The following FTO variants were observed in gnomAD, a reference collection of about 807,000 sequenced individuals.
FTO encodes FTO alpha-ketoglutarate dependent dioxygenase, also known as alpha-ketoglutarate-dependent dioxygenase FTO.
FTO carries 47 observed loss-of-function variants against 63.9 expected under a neutral mutation model. The ratio of observed to expected loss-of-function variants is 0.74; its 90% confidence interval spans 0.58 to 0.94. The LOEUF (loss-of-function observed/expected upper bound fraction) is 0.94, where lower values mean the gene tolerates loss of function less well. FTO is among the 40% of genes least tolerant of loss of function. The probability of loss-of-function intolerance (pLI) is 0.00; values close to 1 mark genes in which losing one functional copy is unlikely to be tolerated. For missense variants in FTO, 562 were observed against 618.1 expected, an observed-to-expected ratio of 0.91 and a Z score of 0.96; for synonymous variants, 207 against 224.4, an observed-to-expected ratio of 0.92 and a Z score of 0.69.
chr16:54,096,248 G>C (rs907583342), intron 8 of FTO, among the ~76,000 whole-genome samples: 13 of 152,236 alleles, frequency 8.5e-5, no homozygotes, highest in African/African-American at 3.1e-4. Context: ...AGCAATGTTA[G>C]TTTCCAAATG....
chr16:53,916,667 A>G (rs918030336), intron 7 of FTO, among the ~76,000 whole-genome samples: 1 of 152,258 alleles, frequency 6.6e-6, no homozygotes, highest in Non-Finnish European at 1.5e-5. Flanking sequence ...AGCACTAAAC[A>G]TATACACAGA....
intron 2 of FTO, among the ~76,000 whole-genome samples, chr16:53,818,210 C>G (rs1390180546): frequency 6.7e-6 from 1 of 150,114 alleles, no homozygotes; most frequent in African/African-American, 2.5e-5. Context: ...ACAAATGCTT[C>G]ATAGTACGTT....
At chr16:53,929,566 A>C (rs2082230872) in intron 7 of FTO, among the ~76,000 whole-genome samples, 1 of 152,218 alleles carries the variant, frequency 6.6e-6, no homozygotes, top group African/African-American at 2.4e-5. Flanking sequence ...CTGTAAATGA[A>C]ATTGCTAGGT....
At chr16:54,111,473 A>G (rs1421027733) in intron 8 of FTO, among the ~76,000 whole-genome samples, 1 of 152,206 alleles carries the variant, frequency 6.6e-6, no homozygotes, top group Non-Finnish European at 1.5e-5. Flanking sequence ...ATAATTCACC[A>G]TTTTAAAGGC....
rs573507559 is a variant in FTO, at chr16:53,892,011, G to A, written c.1239+3060G>A. On this transcript the variant is annotated intron_variant, in intron 7 of 8. Coordinates refer to ENST00000471389, the MANE Select transcript of FTO (RefSeq NM_001080432.3). Reference sequence around the variant, plus strand: ...AGTGAAGATTTAGGTCCAGATAAAAGGGATGTTTCTTCCAAATTAAATGTA... The same window carrying A: ...AGTGAAGATTTAGGTCCAGATAAAAAGGATGTTTCTTCCAAATTAAATGTA... 2.4e-4 allele frequency among the ~76,000 whole-genome samples: 37 copies of A among 152,210 alleles called. 1 individual carries two copies. In the Middle Eastern group the frequency reaches 0.017, roughly 70 times the overall value.
In FTO at chr16:53,708,923, T is replaced by A. The variant is rs577182243; in HGVS notation, c.45+4694T>A. 1.1e-3 allele frequency among the ~76,000 whole-genome samples: 163 copies of A among 152,350 alleles called. 1 individual carries two copies. Among genetic ancestry groups the A allele is most frequent in the Non-Finnish European group, 1.5e-3 (103 of 68,032 alleles). On this transcript the variant is annotated intron_variant, in intron 1 of 8. Transcript: ENST00000471389. ...GTTCTTTATATTTTCTAGATATAAA[T>A]CCTTTGTTTACTATGTGTGTTGCAA... is the stretch of plus-strand genomic sequence containing the variant.
At chr16:54,108,863 A>G (rs1373050862) in intron 8 of FTO, among the ~76,000 whole-genome samples, 7 of 151,976 alleles carry the variant, frequency 4.6e-5, no homozygotes, top group African/African-American at 1.7e-4. Context: ...AAGAGAACAC[A>G]CTCTTTACCA....
At chr16:53,825,131 G>T (rs752056146) in intron 2 of FTO, among the ~76,000 whole-genome samples, 1 of 152,086 alleles carries the variant, frequency 6.6e-6, no homozygotes, top group Non-Finnish European at 1.5e-5. Context: ...TAAATTCTGG[G>T]CACTCATATT....
chr16:53,753,252 C>CAAAAAAAAAAAAA (rs35605359), intron 1 of FTO, among the ~76,000 whole-genome samples: 1 of 77,974 alleles, frequency 1.3e-5, no homozygotes, highest in African/African-American at 4.4e-5. Context: ...GACCCTGTCT[C>CAAAAAAAAAAAAA]AAAAAAAAAA....
At chr16:53,930,553 T>C (rs2082257520) in intron 7 of FTO, among the ~76,000 whole-genome samples, 1 of 152,170 alleles carries the variant, frequency 6.6e-6, no homozygotes, top group Non-Finnish European at 1.5e-5. Context: ...GTACCATTTT[T>C]CTTTTGAAGT....
At chr16:53,821,602 C>T (rs979003620) in intron 2 of FTO, among the ~76,000 whole-genome samples, 4 of 152,186 alleles carry the variant, frequency 2.6e-5, no homozygotes, top group Admixed American at 6.5e-5. Flanking sequence ...TGCCACATGA[C>T]TCTTCTCTTT....
At chr16:54,100,795 G>A (rs1447290082) in intron 8 of FTO, among the ~76,000 whole-genome samples, 1 of 152,212 alleles carries the variant, frequency 6.6e-6, no homozygotes, top group Non-Finnish European at 1.5e-5. Flanking sequence ...TAAACCTACA[G>A]GGGCGGTTTT....
At chr16:53,942,690 T>C (rs1459638958) in intron 8 of FTO, among the ~76,000 whole-genome samples, 2 of 152,208 alleles carry the variant, frequency 1.3e-5, no homozygotes, top group Admixed American at 6.5e-5. Context: ...ATTCGGCATG[T>C]GGACTAGAAC....
chr16:53,927,944 C>G (rs2082186671), intron 7 of FTO, among the ~76,000 whole-genome samples: 1 of 152,106 alleles, frequency 6.6e-6, no homozygotes, highest in African/African-American at 2.4e-5. Flanking sequence ...TCAGGAATCC[C>G]TTTGTTAAAC....
chr16:53,868,617 G>A (rs963732978), intron 4 of FTO, among the ~76,000 whole-genome samples: 2 of 151,858 alleles, frequency 1.3e-5, no homozygotes, highest in Non-Finnish European at 2.9e-5. Flanking sequence ...TGAATAAATT[G>A]TTATCTCTTC....
At chr16:53,861,139 G>C (rs1319203808) in intron 4 of FTO, among the ~76,000 whole-genome samples, 2 of 152,054 alleles carry the variant, frequency 1.3e-5, no homozygotes, top group Non-Finnish European at 2.9e-5. Flanking sequence ...GAACATCTTT[G>C]TACATATATC....
At chr16:54,072,250 A>G (rs1008133399) in intron 8 of FTO, 6 of 152,216 alleles carry the variant, frequency 3.9e-5, no homozygotes, top group African/African-American at 9.6e-5. Context: ...AAGACCTCCT[A>G]AAAATCTTTC....
chr16:54,088,702 G>A (rs1250787087), intron 8 of FTO, among the ~76,000 whole-genome samples: 3 of 152,162 alleles, frequency 2.0e-5, no homozygotes, highest in Admixed American at 6.5e-5. Flanking sequence ...CCAAGGAAAG[G>A]TTGTTATGAA....
intron 7 of FTO, among the ~76,000 whole-genome samples, chr16:53,911,051 C>G (rs557274110): frequency 2.6e-5 from 4 of 152,318 alleles, no homozygotes; most frequent in African/African-American, 9.6e-5. Context: ...GCTGAAAATA[C>G]CAGTTTGGAA....
Sources: allele counts gnomAD v4.1 joint callset (sites outside exome capture counted in the v4.1 genomes callset), GRCh38; gene constraint gnomAD v4.1.1; transcripts MANE v1.5; gene names NCBI Gene and HGNC (gene_info 2026-07-23, HGNC 2026-07-21).